The following EYA2 variants were observed in gnomAD, a reference collection of about 807,000 sequenced individuals.
EYA2 encodes protein phosphatase EYA2.
Under a neutral mutation model 69.2 loss-of-function variants are expected in EYA2, and 31 were observed. The ratio of observed to expected loss-of-function variants is 0.45; its 90% confidence interval spans 0.34 to 0.60. EYA2 has a LOEUF of 0.60. Among genes scored for constraint, EYA2 ranks in the 20% least tolerant of loss-of-function variants. The pLI is 0.02. For synonymous variants in EYA2, 257 were observed against 279.4 expected, an observed-to-expected ratio of 0.92 and a Z score of 0.80; for missense variants, 622 against 701.2, an observed-to-expected ratio of 0.89 and a Z score of 1.28.
At chr20:46,935,558 G>T (rs1985871030) in intron 1 of EYA2, among the ~76,000 whole-genome samples, 1 of 152,128 alleles carries the variant, frequency 6.6e-6, no homozygotes, top group African/African-American at 2.4e-5. Flanking sequence ...GATAGCAAGT[G>T]CCTTAGTGGA....
At chr20:47,050,501 A>C (rs2030277727) in intron 5 of EYA2, among the ~76,000 whole-genome samples, 1 of 152,328 alleles carries the variant, frequency 6.6e-6, no homozygotes, top group African/African-American at 2.4e-5. Flanking sequence ...AATTCAAGCA[A>C]TGAAGATTGG....
intron 1 of EYA2, among the ~76,000 whole-genome samples, chr20:46,955,955 A>G (rs1441783968): frequency 6.6e-6 from 1 of 152,236 alleles, no homozygotes; most frequent in Admixed American, 6.5e-5. Context: ...AGCCCTAGAC[A>G]ATATGTAAGC....
chr20:47,087,050 GCT>G, intron 7 of EYA2, among the ~76,000 whole-genome samples: 1 of 152,210 alleles, frequency 6.6e-6, no homozygotes, highest in South Asian at 2.1e-4. Flanking sequence ...GAAAGTCTTT[GCT>G]CACTCAATGT....
intron 10 of EYA2, among the ~76,000 whole-genome samples, chr20:47,167,698 A>T (rs192227033): frequency 6.6e-6 from 1 of 152,100 alleles, no homozygotes; most frequent in Admixed American, 6.5e-5. Flanking sequence ...CCTTTCTGTC[A>T]TCAGATCACT....
At chr20:47,125,975 T>C (rs938474277) in intron 9 of EYA2, among the ~76,000 whole-genome samples, 1 of 152,052 alleles carries the variant, frequency 6.6e-6, no homozygotes, top group Non-Finnish European at 1.5e-5. Context: ...GACGTCAGGG[T>C]AATTGACACA....
chr20:46,945,643 G>T (rs1978412170), intron 1 of EYA2, among the ~76,000 whole-genome samples: 1 of 152,206 alleles, frequency 6.6e-6, no homozygotes, highest in Non-Finnish European at 1.5e-5. Context: ...CTCGACTCTG[G>T]TCATCGTTAG....
chr20:47,097,054 T>A (rs2032268366), intron 8 of EYA2, 31 bp from the exon 9 acceptor site: 1 of 1,569,190 alleles, frequency 6.4e-7, no homozygotes, highest in Non-Finnish European at 8.7e-7. Context: ...GAGTCCATTT[T>A]TCTCCATTCT....
At chr20:47,185,159 C>T (rs1354738711) in intron 15 of EYA2, among the ~76,000 whole-genome samples, 1 of 152,080 alleles carries the variant, frequency 6.6e-6, no homozygotes, top group African/African-American at 2.4e-5. Flanking sequence ...GTCTCCACCT[C>T]TTCACGAGTG....
intron 1 of EYA2, among the ~76,000 whole-genome samples, chr20:46,922,184 C>G (rs982964248): frequency 2.6e-5 from 4 of 152,196 alleles, no homozygotes; most frequent in Non-Finnish European, 5.9e-5. Flanking sequence ...ATACCCAGGA[C>G]ATCATCACCC....
chr20:47,133,077 AAGG>A (rs1415411327), intron 9 of EYA2, among the ~76,000 whole-genome samples: 2 of 152,192 alleles, frequency 1.3e-5, no homozygotes, highest in African/African-American at 4.8e-5. Flanking sequence ...TTAGGCCAAA[AAGG>A]AGAATTTGTT....
At chr20:47,161,151 C>T in intron 10 of EYA2, 1 of 354,602 alleles carries the variant, frequency 2.8e-6, no homozygotes, top group South Asian at 3.0e-5. Flanking sequence ...ATGAAGTGCA[C>T]CAGCACAGAG....
chr20:47,168,419 G>T (rs2034251028), intron 10 of EYA2, among the ~76,000 whole-genome samples: 1 of 152,018 alleles, frequency 6.6e-6, no homozygotes, highest in Admixed American at 6.5e-5. Flanking sequence ...TCAAACTCCT[G>T]ACCTCAAACA....
intron 9 of EYA2, among the ~76,000 whole-genome samples, chr20:47,103,254 C>A (rs573991456): frequency 2.1e-4 from 32 of 152,122 alleles, no homozygotes; most frequent in Non-Finnish European, 4.1e-4. Flanking sequence ...CTAGCAGTCA[C>A]CCCTGCCATT....
rs6122552 is a variant in EYA2 at position 47,114,276 on chromosome 20, C to A, written c.888+17108C>A. Among the ~76,000 whole-genome samples the A allele has an allele frequency of 1.4e-4, 22 of 152,320 alleles. No individual in the cohort carries two copies. The East Asian group carries it at 4.2e-3, about 29-fold the overall frequency. Reference sequence around the variant, plus strand: ...CTTTCACACAGGGTTTTCTGTCCCCCTTTAAGGGTGACGTTTTTAGCCTTT... The same window carrying A: ...CTTTCACACAGGGTTTTCTGTCCCCATTTAAGGGTGACGTTTTTAGCCTTT... On this transcript the variant is annotated intron_variant, in intron 9 of 15. Coordinates refer to ENST00000327619, the MANE Select transcript of EYA2 (RefSeq NM_005244.5).
rs753807826 is a variant in EYA2 at position 47,180,949 on chromosome 20, C to T, written c.1435+13C>T. ...GCAACCAAGACAGGTAGGGAGAAGC[C>T]ACACCTCGGCGGGGATACAGGGTTG... is the stretch of plus-strand genomic sequence containing the variant. On this transcript the variant is annotated intron_variant, in intron 14 of 15. Transcript: ENST00000327619. 1.9e-6 allele frequency: 3 copies of T among 1,612,552 alleles called. 1 individual carries two copies. The highest frequency in any genetic ancestry group is 1.3e-5 in the African/African-American group (1 of 74,870).
At chr20:47,125,725 G>C (rs1474998637) in intron 9 of EYA2, among the ~76,000 whole-genome samples, 1 of 152,184 alleles carries the variant, frequency 6.6e-6, no homozygotes, top group Non-Finnish European at 1.5e-5. Flanking sequence ...CCACAGAATA[G>C]GGAGCTGGTT....
chr20:47,091,119 C>CT (rs1466877334), intron 8 of EYA2, among the ~76,000 whole-genome samples: 3 of 152,148 alleles, frequency 2.0e-5, no homozygotes, highest in Non-Finnish European at 4.4e-5. Context: ...GAAAGATCAC[C>CT]TTTGTCATTT....
chr20:46,987,964 C>CTCTCTCTCTCTATA (rs1555809797), intron 1 of EYA2, among the ~76,000 whole-genome samples: 13 of 11,276 alleles, frequency 1.2e-3, no homozygotes, highest in Non-Finnish European at 1.5e-3. Flanking sequence ...CTCTCTCTCT[C>CTCTCTCTCTCTATA]TATATATATA....
intron 4 of EYA2, among the ~76,000 whole-genome samples, chr20:47,014,765 TATATAC>T (rs140532995): frequency 0.026 from 3,898 of 152,168 alleles, 74 homozygotes; most frequent in Non-Finnish European, 0.039. Flanking sequence ...TATGTGTGTA[TATATAC>T]ACATTTGTTG....
Sources: gnomAD v4.1 joint callset for allele counts (sites outside exome capture counted in the v4.1 genomes callset) on GRCh38, gnomAD v4.1.1 for gene constraint, MANE v1.5 for transcripts, NCBI Gene and HGNC (gene_info 2026-07-23, HGNC 2026-07-21) for gene names.